NDUFS4: variants seen among roughly 807,000 people sequenced by gnomAD.
NDUFS4 encodes NADH:ubiquinone oxidoreductase subunit S4.
In NDUFS4, 28 loss-of-function variants were observed where a neutral mutation model predicts 24.3. The observed-to-expected ratio is 1.15, with a 90% CI of 0.85 to 1.58. The LOEUF (loss-of-function observed/expected upper bound fraction) is 1.58. NDUFS4 is among the 40% of genes most tolerant of loss of function. NDUFS4 has a pLI of 0.00. For missense variants in NDUFS4, 223 were observed against 207.9 expected, an observed-to-expected ratio of 1.07 and a Z score of -0.45; for synonymous variants, 93 against 69.7, an observed-to-expected ratio of 1.34 and a Z score of -1.67.
chr5:53,566,715 ATTAC>A (rs1749038542), intron 1 of NDUFS4, among the ~76,000 whole-genome samples: 1 of 152,140 alleles, frequency 6.6e-6, no homozygotes, highest in African/African-American at 2.4e-5. Context: ...TCATCTCTGG[ATTAC>A]TTATGATACC....
At chr5:53,565,394 C>T (rs1325537076) in intron 1 of NDUFS4, among the ~76,000 whole-genome samples, 1 of 152,208 alleles carries the variant, frequency 6.6e-6, no homozygotes, top group South Asian at 2.1e-4. Context: ...GATATATCAG[C>T]AGTGAGGTCG....
At chr5:53,607,768 C>T (rs1433879454) in intron 2 of NDUFS4, among the ~76,000 whole-genome samples, 1 of 152,090 alleles carries the variant, frequency 6.6e-6, no homozygotes, top group Non-Finnish European at 1.5e-5. Flanking sequence ...GAGTTTTCTT[C>T]ATATATTGCA....
chr5:53,665,184 T>C (rs1234277513), intron 4 of NDUFS4, among the ~76,000 whole-genome samples: 2 of 152,194 alleles, frequency 1.3e-5, no homozygotes, highest in Non-Finnish European at 2.9e-5. Context: ...ATTGTTCCTC[T>C]GGAAGCTTTG....
chr5:53,615,816 G>A (rs1480707067), intron 2 of NDUFS4, among the ~76,000 whole-genome samples: 1 of 151,964 alleles, frequency 6.6e-6, no homozygotes, highest in Non-Finnish European at 1.5e-5. Flanking sequence ...CAACATATAG[G>A]ATACAGAAAT....
rs541943775 is a variant in NDUFS4 at position 53,562,064 on chromosome 5, C to T, written c.98+1304C>T. 5.3e-5 allele frequency among the ~76,000 whole-genome samples: 8 copies of T among 151,684 alleles called. No homozygotes were observed. The South Asian group carries it at 1.5e-3, about 28-fold the overall frequency. ...TGACGCCCAGGCTGTAGTGCAATGG[C>T]GTGATCTTGGTTCACTGCAACCTCC... On this transcript the variant is annotated intron_variant, in intron 1 of 4. Transcript: ENST00000296684.
intron 2 of NDUFS4, among the ~76,000 whole-genome samples, chr5:53,641,347 CTAAT>C (rs1485407573): frequency 6.6e-6 from 1 of 152,098 alleles, no homozygotes; most frequent in Non-Finnish European, 1.5e-5. Context: ...AAACATGTCT[CTAAT>C]TATTAGTTTT....
At chr5:53,682,539 T>G (rs926579166) in intron 4 of NDUFS4, among the ~76,000 whole-genome samples, 1 of 151,464 alleles carries the variant, frequency 6.6e-6, no homozygotes, top group African/African-American at 2.4e-5. Flanking sequence ...GCCATTGAAA[T>G]AAATGTTGAA....
In NDUFS4 at chr5:53,646,382, T is replaced by C. The variant is rs780141364; in HGVS notation, c.327T>C (p.Asn109=). The C allele has an allele frequency of 1.9e-6, 3 of 1,613,796 alleles. No individual in the cohort carries two copies. The highest frequency in any genetic ancestry group is 2.5e-6 in the Non-Finnish European group (3 of 1,179,756). The change falls in exon 3 of 5, where the codon AAT becomes AAC. Residue 109 remains asparagine (N), a synonymous_variant. Coordinates refer to ENST00000296684, the MANE Select transcript of NDUFS4 (RefSeq NM_002495.4). ...TTGATACCAGAGAGCGATGGGAAAATCCTTTGATGGGTTGGGCATCAACGT... is the reference window on the plus strand; with the variant it reads ...TTGATACCAGAGAGCGATGGGAAAACCCTTTGATGGGTTGGGCATCAACGT... The part of the protein sequence containing the change: ...MEFDTRERWE[N]PLMGWASTAD...
At chr5:53,588,930 CAA>C (rs898771483) in intron 1 of NDUFS4, among the ~76,000 whole-genome samples, 2 of 151,022 alleles carry the variant, frequency 1.3e-5, no homozygotes, top group African/African-American at 4.9e-5. Context: ...TAAACCGAAG[CAA>C]AAAGTGACAA....
intron 3 of NDUFS4, among the ~76,000 whole-genome samples, chr5:53,653,668 C>G (rs532895005): frequency 6.6e-6 from 1 of 152,074 alleles, no homozygotes; most frequent in East Asian, 1.9e-4. Flanking sequence ...TACCCGCCCT[C>G]CCTCCATAGA....
At chr5:53,633,978 A>G (rs2112493239) in intron 2 of NDUFS4, among the ~76,000 whole-genome samples, 1 of 152,344 alleles carries the variant, frequency 6.6e-6, no homozygotes, top group East Asian at 1.9e-4. Flanking sequence ...CCTATACTCA[A>G]AAGGTATTGC....
chr5:53,658,011 T>C (rs111315878), intron 3 of NDUFS4, among the ~76,000 whole-genome samples: 63 of 152,276 alleles, frequency 4.1e-4, no homozygotes, highest in African/African-American at 1.3e-3. Context: ...ACATTAACAC[T>C]GTCCTACATT....
chr5:53,661,701 T>C (rs183473153), intron 4 of NDUFS4, among the ~76,000 whole-genome samples: 1 of 152,308 alleles, frequency 6.6e-6, no homozygotes, highest in Non-Finnish European at 1.5e-5. Context: ...TAGTTCTCCT[T>C]GAAGAGGTCC....
chr5:53,635,238 A>T (rs1200178987), intron 2 of NDUFS4, among the ~76,000 whole-genome samples: 1 of 151,122 alleles, frequency 6.6e-6, no homozygotes, highest in African/African-American at 2.4e-5. Context: ...CAAAAAATCC[A>T]TCCAGACATG....
chr5:53,575,813 A>T (rs543013044), intron 1 of NDUFS4, among the ~76,000 whole-genome samples: 2 of 152,118 alleles, frequency 1.3e-5, no homozygotes, highest in Non-Finnish European at 2.9e-5. Context: ...AAGTGCTGGG[A>T]TTACAGGTGT....
chr5:53,628,538 ATTGCC>A (rs1159765793), intron 2 of NDUFS4, among the ~76,000 whole-genome samples: 1 of 151,838 alleles, frequency 6.6e-6, no homozygotes, highest in African/African-American at 2.4e-5. Flanking sequence ...GTAGGCTATT[ATTGCC>A]CCAATTTTAG....
intron 2 of NDUFS4, among the ~76,000 whole-genome samples, chr5:53,643,192 A>C (rs866028613): frequency 7.9e-5 from 12 of 152,098 alleles, no homozygotes; most frequent in African/African-American, 2.6e-4. Flanking sequence ...TTTCATACCT[A>C]TGTGATTTAG....
chr5:53,653,715 T>A (rs1225906256), intron 3 of NDUFS4, among the ~76,000 whole-genome samples: 1 of 152,120 alleles, frequency 6.6e-6, no homozygotes, highest in Non-Finnish European at 1.5e-5. Context: ...CCTTCCAGAC[T>A]TTTTTCAGTG....
intron 1 of NDUFS4, among the ~76,000 whole-genome samples, chr5:53,569,818 T>C (rs892029624): frequency 1.3e-5 from 2 of 152,178 alleles, no homozygotes; most frequent in Non-Finnish European, 1.5e-5. Flanking sequence ...TTCCTGACGC[T>C]TTACTACCTC....
Sources: gnomAD v4.1 joint callset for allele counts (sites outside exome capture counted in the v4.1 genomes callset) on GRCh38, gnomAD v4.1.1 for gene constraint, MANE v1.5 for transcripts, NCBI Gene and HGNC (gene_info 2026-07-23, HGNC 2026-07-21) for gene names.